FHAD1: variants seen among roughly 807,000 people sequenced by gnomAD.
The protein encoded by FHAD1 is forkhead associated phosphopeptide binding domain 1, also known as forkhead-associated domain-containing protein 1.
A neutral mutation model predicts 191.3 loss-of-function variants in FHAD1; 146 were observed. That is an observed-to-expected ratio of 0.76 (90% CI 0.67 to 0.88). The LOEUF is 0.88. FHAD1 is among the 40% of genes least tolerant of loss of function. The probability of loss-of-function intolerance (pLI) is 0.00; values close to 1 mark genes in which losing one functional copy is unlikely to be tolerated. For missense variants in FHAD1, 1,635 were observed against 1,785.8 expected (o/e 0.92, Z 1.52); for synonymous variants, 616 against 672.3 (o/e 0.92, Z 1.29).
chr1:15,401,503 G>T (rs1707126457), downstream of FHAD1, among the ~76,000 whole-genome samples: 1 of 152,180 alleles, frequency 6.6e-6, no homozygotes. Flanking sequence ...CCTTGCCAGT[G>T]GGAGCCCATG....
chr1:15,353,435 T>A (rs2102501501), intron 20 of FHAD1, among the ~76,000 whole-genome samples: 1 of 152,188 alleles, frequency 6.6e-6, no homozygotes, highest in East Asian at 1.9e-4. Flanking sequence ...CTGGGCGCGG[T>A]GGCTCGCACA....
At chr1:15,383,473 A>C (rs1489238421) in intron 31 of FHAD1, 2 of 346,234 alleles carry the variant, frequency 5.8e-6, no homozygotes, top group Admixed American at 3.8e-5. Context: ...ACACATGAGC[A>C]GCACCCGGGC....
chr1:15,353,704 CAAAAAAAAAAA>C (rs60518389), intron 20 of FHAD1, among the ~76,000 whole-genome samples: 7 of 60,992 alleles, frequency 1.1e-4, no homozygotes, highest in Non-Finnish European at 1.4e-4. Context: ...GACTCCATCT[CAAAAAAAAAAA>C]AAAAAAAAAA....
intron 1 of FHAD1, among the ~76,000 whole-genome samples, chr1:15,251,345 C>T (rs1194174071): frequency 6.6e-6 from 1 of 151,468 alleles, no homozygotes; most frequent in Admixed American, 6.6e-5. Flanking sequence ...GAATAAGTAA[C>T]TCACCCAAGG....
intron 26 of FHAD1, among the ~76,000 whole-genome samples, chr1:15,374,157 C>T (rs1035596748): frequency 2.0e-5 from 3 of 152,096 alleles, no homozygotes; most frequent in African/African-American, 7.2e-5. Flanking sequence ...AATGCCCCTC[C>T]GGGAGTAGAA....
At chr1:15,277,508 C>T (rs746047480) in intron 3 of FHAD1, among the ~76,000 whole-genome samples, 2 of 152,160 alleles carry the variant, frequency 1.3e-5, no homozygotes, top group Non-Finnish European at 2.9e-5. Context: ...AGAGGTTCTG[C>T]AGTGTTCCCA....
At chr1:15,283,879 T>C (rs547293684) in intron 3 of FHAD1, among the ~76,000 whole-genome samples, 1 of 152,342 alleles carries the variant, frequency 6.6e-6, no homozygotes, top group Non-Finnish European at 1.5e-5. Flanking sequence ...AATCTATTCT[T>C]CATTAGCCAA....
upstream of FHAD1, among the ~76,000 whole-genome samples, chr1:15,242,804 A>G (rs1420762801): frequency 1.3e-5 from 2 of 152,228 alleles, no homozygotes; most frequent in Non-Finnish European, 2.9e-5. Context: ...CTCTTCGCAC[A>G]GCATCAGAGA....
At chr1:15,369,644 A>G in intron 26 of FHAD1, 142 bp downstream of exon 26, 1 of 941,086 alleles carries the variant, frequency 1.1e-6, no homozygotes, top group Non-Finnish European at 1.6e-6. Flanking sequence ...TAAATCGCAG[A>G]ATACTGCCTC....
intron 10 of FHAD1, among the ~76,000 whole-genome samples, chr1:15,322,345 C>T (rs1291167237): frequency 6.6e-6 from 1 of 152,196 alleles, no homozygotes; most frequent in Non-Finnish European, 1.5e-5. Context: ...TCTTTTCATC[C>T]TCACAACTCT....
At chr1:15,340,559 C>G (rs1285886781) in intron 15 of FHAD1, among the ~76,000 whole-genome samples, 2 of 152,072 alleles carry the variant, frequency 1.3e-5, no homozygotes, top group Non-Finnish European at 2.9e-5. Flanking sequence ...GTTTTTCAAC[C>G]TTCTGCTTGT....
chr1:15,243,205 A>G (rs1645597498), upstream of FHAD1, among the ~76,000 whole-genome samples: 2 of 152,218 alleles, frequency 1.3e-5, no homozygotes, highest in South Asian at 2.1e-4. Flanking sequence ...TGGCTGCAGA[A>G]AGCCTCAGTT....
chr1:15,246,878 G>C (rs1264871159), upstream of FHAD1, among the ~76,000 whole-genome samples: 1 of 152,026 alleles, frequency 6.6e-6, no homozygotes, highest in Non-Finnish European at 1.5e-5. Context: ...GGTAGGGCAG[G>C]GGGCATACTA....
chr1:15,370,845 A>C (rs1236382800), intron 26 of FHAD1, among the ~76,000 whole-genome samples: 3 of 152,146 alleles, frequency 2.0e-5, no homozygotes, highest in Non-Finnish European at 4.4e-5. Flanking sequence ...ATGGCGTTCC[A>C]GTAATGGGCT....
At chr1:15,341,656 C>T in intron 15 of FHAD1, 80 bp from the exon 16 acceptor site, 1 of 1,256,548 alleles carries the variant, frequency 8.0e-7, no homozygotes, top group Non-Finnish European at 1.1e-6. Flanking sequence ...GAAAGGTAAA[C>T]AATTGGTAAA....
At chr1:15,380,049 G>A (rs1183904162) in intron 28 of FHAD1, among the ~76,000 whole-genome samples, 1 of 152,200 alleles carries the variant, frequency 6.6e-6, no homozygotes, top group South Asian at 2.1e-4. Context: ...TTTCCGCTGC[G>A]TGAAAATGGC....
chr1:15,310,566 G>A (rs1365540046), intron 7 of FHAD1, among the ~76,000 whole-genome samples: 3 of 152,128 alleles, frequency 2.0e-5, no homozygotes, highest in African/African-American at 4.8e-5. Context: ...ACACTCTCAC[G>A]GCCCCAAGTG....
intron 14 of FHAD1, among the ~76,000 whole-genome samples, chr1:15,336,131 T>G (rs1314592858): frequency 6.6e-6 from 1 of 152,202 alleles, no homozygotes; most frequent in Non-Finnish European, 1.5e-5. Context: ...GAAAAGAGAT[T>G]GACAGATCTA....
At chr1:15,272,050 C>T (rs912616006) in intron 2 of FHAD1, among the ~76,000 whole-genome samples, 15 of 152,160 alleles carry the variant, frequency 9.9e-5, no homozygotes, top group African/African-American at 3.4e-4. Context: ...ATCCCTTTGC[C>T]TTTGTGTTGC....
Sources: allele counts gnomAD v4.1 joint callset (sites outside exome capture counted in the v4.1 genomes callset), GRCh38; gene constraint gnomAD v4.1.1; transcripts MANE v1.5; gene names NCBI Gene and HGNC (gene_info 2026-07-23, HGNC 2026-07-21).